CDH18: variants seen among roughly 807,000 people sequenced by gnomAD.
CDH18 encodes the protein cadherin-18.
A neutral mutation model predicts 67.9 loss-of-function variants in CDH18; 31 were observed. That is an observed-to-expected ratio of 0.46 (90% confidence interval 0.34 to 0.62). The LOEUF is 0.62. Ranked by LOEUF, CDH18 falls within the 20% of genes least tolerant of loss-of-function variation. The probability of loss-of-function intolerance (pLI) is 0.01; values close to 1 mark genes in which losing one functional copy is unlikely to be tolerated. For synonymous variants in CDH18, 362 were observed against 347.2 expected (o/e 1.04, Z -0.48); for missense variants, 890 against 975.5 (o/e 0.91, Z 1.17).
At chr5:20,194,255 C>T (rs916814657) in intron 2 of CDH18, among the ~76,000 whole-genome samples, 6 of 152,066 alleles carry the variant, frequency 3.9e-5, no homozygotes, top group Non-Finnish European at 7.4e-5. Flanking sequence ...TGATAAGCAA[C>T]TTCAGCAAAG....
intron 1 of CDH18, among the ~76,000 whole-genome samples, chr5:20,471,466 G>A (rs1411154888): frequency 6.6e-6 from 1 of 151,922 alleles, no homozygotes; most frequent in African/African-American, 2.4e-5. Flanking sequence ...TTCCACATTG[G>A]TTTCCCATTC....
chr5:20,389,914 A>C (rs202197530), intron 1 of CDH18, among the ~76,000 whole-genome samples: 4 of 152,212 alleles, frequency 2.6e-5, no homozygotes, highest in African/African-American at 9.6e-5. Flanking sequence ...ATAAATGGTG[A>C]TGGGAAAACT....
chr5:20,501,581 TTATATATATATATTA>T lies in CDH18; in HGVS notation c.-580+73866_-580+73880del, dbSNP rs1244174952. Among the ~76,000 whole-genome samples the T allele has an allele frequency of 1.2e-3, 15 of 13,040 alleles. 1 individual carries two copies. The highest frequency in any genetic ancestry group is 3.2e-3 in the South Asian group (2 of 620). 8.6% of individuals were successfully genotyped at this position (13,040 alleles called of 152,430 possible). ...AATATATATATATAATATATATATATTATATATATATATTATATATATATATATATATATGGAGAT... is the reference window on the plus strand; with the variant it reads ...AATATATATATATAATATATATATATTATATATATATATATATATGGAGAT... On this transcript the variant is annotated intron_variant, in intron 1 of 14. Transcript: ENST00000507958.
intron 6 of CDH18, 37 bp from the exon 7 acceptor site, chr5:19,591,281 A>G (rs1174759836): frequency 3.0e-6 from 4 of 1,340,916 alleles, no homozygotes; most frequent in East Asian, 2.4e-5. Flanking sequence ...TTTAAATACA[A>G]TGTTCATGAA....
chr5:19,552,514 A>G (rs1302044232), intron 8 of CDH18, among the ~76,000 whole-genome samples: 1 of 152,170 alleles, frequency 6.6e-6, no homozygotes, highest in Non-Finnish European at 1.5e-5. Flanking sequence ...AAACGTTGAA[A>G]TAGACTCAAC....
intron 3 of CDH18, among the ~76,000 whole-genome samples, chr5:19,755,212 AAAAT>A (rs1304241558): frequency 6.6e-6 from 1 of 151,048 alleles, no homozygotes; most frequent in East Asian, 1.9e-4. Context: ...AAAAAATAAA[AAAAT>A]AAAAAAAAGA....
At chr5:20,314,011 C>A (rs867244263) in intron 1 of CDH18, among the ~76,000 whole-genome samples, 1 of 151,884 alleles carries the variant, frequency 6.6e-6, no homozygotes, top group Non-Finnish European at 1.5e-5. Flanking sequence ...TGAATCTTAA[C>A]TTACTTGGGA....
intron 1 of CDH18, among the ~76,000 whole-genome samples, chr5:20,543,968 G>A (rs10057425): frequency 0.045 from 6,918 of 152,092 alleles, 508 homozygotes; most frequent in African/African-American, 0.15. Context: ...AATCTTCAAG[G>A]AATATAGAAC....
chr5:20,135,825 A>G (rs1313397244), intron 2 of CDH18, among the ~76,000 whole-genome samples: 1 of 152,104 alleles, frequency 6.6e-6, no homozygotes, highest in Non-Finnish European at 1.5e-5. Flanking sequence ...TAACATCTTT[A>G]TTTCTGCCTT....
intron 2 of CDH18, among the ~76,000 whole-genome samples, chr5:19,973,826 T>C (rs1798251391): frequency 6.6e-6 from 1 of 151,744 alleles, no homozygotes; most frequent in Non-Finnish European, 1.5e-5. Flanking sequence ...GATGAGAATA[T>C]AAAAAGTTTT....
At chr5:19,885,370 C>T (rs1185649701) in intron 2 of CDH18, among the ~76,000 whole-genome samples, 2 of 152,146 alleles carry the variant, frequency 1.3e-5, no homozygotes, top group African/African-American at 4.8e-5. Context: ...ATCAGATTTG[C>T]ATACAGCATT....
At chr5:19,577,579 G>A (rs1221738190) in intron 7 of CDH18, among the ~76,000 whole-genome samples, 1 of 152,132 alleles carries the variant, frequency 6.6e-6, no homozygotes, top group Non-Finnish European at 1.5e-5. Context: ...AAACTATCTA[G>A]AGTTTCACCC....
intron 1 of CDH18, among the ~76,000 whole-genome samples, chr5:19,984,531 T>TAG: frequency 6.6e-6 from 1 of 152,186 alleles, no homozygotes; most frequent in Admixed American, 6.5e-5. Context: ...TAACCTTTCT[T>TAG]GTAGATGATT....
chr5:19,776,903 T>C (rs1214754908), intron 3 of CDH18, among the ~76,000 whole-genome samples: 1 of 152,238 alleles, frequency 6.6e-6, no homozygotes, highest in African/African-American at 2.4e-5. Flanking sequence ...TCACTCATCA[T>C]TATGTCCAGT....
At chr5:19,962,599 C>A (rs571154379) in intron 2 of CDH18, among the ~76,000 whole-genome samples, 1 of 151,502 alleles carries the variant, frequency 6.6e-6, no homozygotes, top group African/African-American at 2.4e-5. Context: ...CATGGTGAAA[C>A]CCTGTCTCTA....
intron 2 of CDH18, among the ~76,000 whole-genome samples, chr5:19,912,651 A>G (rs1791283059): frequency 6.6e-6 from 1 of 152,212 alleles, no homozygotes; most frequent in African/African-American, 2.4e-5. Context: ...TTCATAGGCA[A>G]CTGATGCTAT....
At chr5:19,732,395 C>T (rs931618798) in intron 4 of CDH18, among the ~76,000 whole-genome samples, 34 of 151,878 alleles carry the variant, frequency 2.2e-4, no homozygotes, top group African/African-American at 6.3e-4. Flanking sequence ...AAGGCTGCAG[C>T]AGGCTATGAT....
intron 1 of CDH18, among the ~76,000 whole-genome samples, chr5:20,382,349 G>A (rs1743976702): frequency 6.6e-6 from 1 of 152,146 alleles, no homozygotes; most frequent in South Asian, 2.1e-4. Flanking sequence ...ATATAGGGGA[G>A]ACTAGACATA....
chr5:19,582,257 A>G (rs1486197028), intron 7 of CDH18, among the ~76,000 whole-genome samples: 1 of 152,030 alleles, frequency 6.6e-6, no homozygotes, highest in African/African-American at 2.4e-5. Flanking sequence ...ATAATTAAAA[A>G]TACCCAATAC....
Sources: gnomAD v4.1 joint callset for allele counts (sites outside exome capture counted in the v4.1 genomes callset) on GRCh38, gnomAD v4.1.1 for gene constraint, MANE v1.5 for transcripts, NCBI Gene and HGNC (gene_info 2026-07-23, HGNC 2026-07-21) for gene names.